The following NHSL2 variants were observed in gnomAD, a reference collection of about 807,000 sequenced individuals.
The protein encoded by NHSL2 is NHS like 2.
Under a neutral mutation model 53.4 loss-of-function variants are expected in NHSL2, and 27 were observed. The observed-to-expected ratio is 0.51, with a 90% confidence interval of 0.37 to 0.70. The LOEUF is 0.70. NHSL2 is among the 30% of genes least tolerant of loss of function. NHSL2 has a pLI of 0.00. For missense variants in NHSL2, 892 were observed against 980.1 expected, an observed-to-expected ratio of 0.91 and a Z score of 1.20; for synonymous variants, 408 against 404.1, an observed-to-expected ratio of 1.01 and a Z score of -0.12.
chrX:72,080,079 C>G (rs1216652024), intron 1 of NHSL2: 1 of 112,220 alleles, frequency 8.9e-6, no homozygotes, highest in East Asian at 2.8e-4. Context: ...TGCTGGGAAA[C>G]GGGGTTCAGG....
At chrX:72,028,196 C>G (rs2042196104) in intron 1 of NHSL2, among the ~76,000 whole-genome samples, 1 of 112,349 alleles carries the variant, frequency 8.9e-6, no homozygotes, top group African/African-American at 3.2e-5. Flanking sequence ...TCAAGGTCTT[C>G]TTGGGCTTAC....
intron 1 of NHSL2, among the ~76,000 whole-genome samples, chrX:72,093,151 T>TA (rs2041911974): frequency 8.9e-6 from 1 of 112,730 alleles, no homozygotes; most frequent in Admixed American, 9.4e-5. Context: ...GTACCACAAA[T>TA]ATGTCTACTT....
At chrX:72,132,748 TA>T (rs935414208) in intron 2 of NHSL2, among the ~76,000 whole-genome samples, 12 of 111,626 alleles carry the variant, frequency 1.1e-4, no homozygotes, top group African/African-American at 3.9e-4. Flanking sequence ...TTGTCCCCCC[TA>T]ACCAAGCCTG....
intron 1 of NHSL2, among the ~76,000 whole-genome samples, chrX:71,995,339 G>A (rs1455260880): frequency 8.9e-6 from 1 of 111,901 alleles, no homozygotes; most frequent in Non-Finnish European, 1.9e-5. Context: ...ACATAAGTCA[G>A]GTCATGTCCT....
At chrX:72,131,331 C>T in intron 1 of NHSL2, 1 of 1,203,006 alleles carries the variant, frequency 8.3e-7, no homozygotes, top group Admixed American at 2.2e-5. Flanking sequence ...TGAGCGCGAA[C>T]TCCAAGTTCT....
intron 1 of NHSL2, among the ~76,000 whole-genome samples, chrX:72,078,883 G>A (rs1463891006): frequency 8.9e-6 from 1 of 112,245 alleles, no homozygotes. Context: ...ATGAGCCCTG[G>A]CCCTGCCCTC....
At chrX:72,050,476 A>T (rs907002198) in intron 1 of NHSL2, among the ~76,000 whole-genome samples, 14 of 111,920 alleles carry the variant, frequency 1.3e-4, no homozygotes, top group African/African-American at 4.2e-4. Flanking sequence ...TGCTTAAAAA[A>T]CACTAAGGAA....
At chrX:71,921,248 G>A (rs934165535) in intron 1 of NHSL2, among the ~76,000 whole-genome samples, 1 of 108,394 alleles carries the variant, frequency 9.2e-6, no homozygotes, top group Non-Finnish European at 1.9e-5. Context: ...GTGAAACTCC[G>A]TCTCTACTAA....
chrX:71,939,078 G>C (rs1371425334), intron 1 of NHSL2, among the ~76,000 whole-genome samples: 1 of 112,166 alleles, frequency 8.9e-6, no homozygotes, highest in East Asian at 2.8e-4. Flanking sequence ...GCTGGACTTG[G>C]GGAGCCAAGG....
intron 1 of NHSL2, among the ~76,000 whole-genome samples, chrX:71,913,289 C>A (rs1180715255): frequency 9.0e-6 from 1 of 111,687 alleles, no homozygotes; most frequent in Non-Finnish European, 1.9e-5. Context: ...CTTTTCTCTT[C>A]AGGAGCTGTA....
intron 1 of NHSL2, among the ~76,000 whole-genome samples, chrX:71,912,174 G>A (rs1234751466): frequency 1.8e-5 from 2 of 112,746 alleles, no homozygotes; most frequent in African/African-American, 6.4e-5. Context: ...CTGAGCACGC[G>A]GGACGTGTGA....
intron 1 of NHSL2, among the ~76,000 whole-genome samples, chrX:71,961,658 G>A (rs756368143): frequency 6.3e-5 from 7 of 110,711 alleles, no homozygotes; most frequent in Non-Finnish European, 9.5e-5. Context: ...GCCTCTTACC[G>A]TGTTTTTTGT....
chrX:72,091,573 A>G (rs1228597413), intron 1 of NHSL2, among the ~76,000 whole-genome samples: 1 of 111,971 alleles, frequency 8.9e-6, no homozygotes, highest in Non-Finnish European at 1.9e-5. Flanking sequence ...TCTCCGCATC[A>G]CAGCATGTGA....
intron 1 of NHSL2, among the ~76,000 whole-genome samples, chrX:72,076,256 G>T (rs1197539474): frequency 9.0e-6 from 1 of 111,289 alleles, no homozygotes; most frequent in African/African-American, 3.3e-5. Context: ...ATTATATATG[G>T]TCATGCATAT....
chrX:72,100,976 T>G, intron 1 of NHSL2, among the ~76,000 whole-genome samples: 1 of 111,294 alleles, frequency 9.0e-6, no homozygotes. Context: ...TCCCCTTTCT[T>G]TGCTTTCAGA....
intron 1 of NHSL2, among the ~76,000 whole-genome samples, chrX:72,056,448 T>C (rs1439454501): frequency 8.9e-6 from 1 of 111,779 alleles, no homozygotes; most frequent in Non-Finnish European, 1.9e-5. Flanking sequence ...TCCTAGACTA[T>C]ATCAAGCCTC....
rs1491422730 is a variant in NHSL2 at position 71,964,001 on chromosome X, A to ATGTG, written c.280+52635_280+52636insGTGT. On this transcript the variant is annotated intron_variant, in intron 1 of 7. Transcript: ENST00000633930. ...TATATATATATATATATGTATATAC[A>ATGTG]TATATATATGTATATATATATATGT... Among the ~76,000 whole-genome samples, 86 of 7,754 alleles carry ATGTG rather than the reference A, an allele frequency of 0.011. 3 individuals carry two copies. The South Asian group carries it at 0.12, about 11-fold the overall frequency. The allele number at this position is 7,754 out of a possible 115,157, so 6.7% of individuals were successfully genotyped here.
intron 1 of NHSL2, among the ~76,000 whole-genome samples, chrX:72,110,735 A>C (rs1303977011): frequency 4.7e-5 from 5 of 105,421 alleles, no homozygotes; most frequent in African/African-American, 1.7e-4. Flanking sequence ...AAAAAAAAAA[A>C]AAAAAAAAAA....
chrX:72,132,357 G>GTGCAGCGCACCAGCATGGC, intron 2 of NHSL2, 123 bp downstream of exon 2: 2 of 660,946 alleles, frequency 3.0e-6, no homozygotes, highest in Non-Finnish European at 4.4e-6. Flanking sequence ...AAAAACAATC[G>GTGCAGCGCACCAGCATGGC]ACAAAGCAGT....
Sources: gnomAD v4.1 joint callset for allele counts (sites outside exome capture counted in the v4.1 genomes callset) on GRCh38, gnomAD v4.1.1 for gene constraint, MANE v1.5 for transcripts, NCBI Gene and HGNC (gene_info 2026-07-23, HGNC 2026-07-21) for gene names.